The following FAM227B variants were observed in gnomAD, a reference collection of about 807,000 sequenced individuals.
The protein encoded by FAM227B is protein FAM227B.
In FAM227B, 88 loss-of-function variants were observed where a neutral mutation model predicts 73.8. That is an observed-to-expected ratio of 1.19 (90% CI 1.00 to 1.42). The LOEUF (loss-of-function observed/expected upper bound fraction) is 1.42. FAM227B is among the 40% of genes most tolerant of loss of function. The pLI is 0.00. For synonymous variants in FAM227B, 210 were observed against 190.5 expected (o/e 1.10, Z -0.84); for missense variants, 632 against 590.9 (o/e 1.07, Z -0.72).
chr15:49,397,184 G>A (rs952631045), intron 11 of FAM227B, among the ~76,000 whole-genome samples: 32 of 152,266 alleles, frequency 2.1e-4, no homozygotes, highest in African/African-American at 7.7e-4. Flanking sequence ...CAAGGCTTGA[G>A]AACAACGTGA....
intron 10 of FAM227B, among the ~76,000 whole-genome samples, chr15:49,538,453 G>C (rs1009006721): frequency 3.9e-5 from 6 of 152,150 alleles, no homozygotes; most frequent in African/African-American, 1.4e-4. Flanking sequence ...GGAGAAGCAG[G>C]ATGCTCTGGT....
rs747851240 is a variant in FAM227B, at chr15:49,328,612, GTGATGA to G, written c.1477_1482del (p.Ser493_Ser494del). 2.4e-5 allele frequency: 38 copies of G among 1,590,822 alleles called. No homozygotes were observed. The highest frequency in any genetic ancestry group is 2.1e-4 in the Admixed American group (12 of 56,920). ...AAGTTGTAGTTGTCTGTTGATGATG[GTGATGA>G]TGATGATGATGACGATAGTGATGCC... On this transcript the variant is annotated inframe_deletion, in exon 16 of 16. Transcript: ENST00000299338.
intron 12 of FAM227B, chr15:49,367,843 G>T: frequency 1.8e-5 from 3 of 169,626 alleles, no homozygotes; most frequent in Non-Finnish European, 2.2e-5. Context: ...ATAGGCAATA[G>T]ACATTATTCA....
At position 49,365,561 on chromosome 15, in the gene FAM227B, C is replaced by T. The variant is rs976312433; in HGVS notation, c.1271+1887G>A. 10 of 885,320 alleles carry T rather than the reference C, an allele frequency of 1.1e-5. No homozygotes were observed. In the African/African-American group the frequency reaches 1.5e-4, roughly 13 times the overall value. The allele number at this position is 885,320 out of a possible 1,614,324, so 54.8% of individuals were successfully genotyped here. A position where few individuals can be genotyped will look rare whatever the true frequency, so the allele number is the denominator to read the frequency against. On this transcript the variant is annotated intron_variant, in intron 13 of 15. Transcript: ENST00000299338. Reference sequence around the variant, plus strand: ...AATGTTTCAGTATTTTCAAAAGGTCCAGCTGCAAGTTTAACCATGATACTC... The same window carrying T: ...AATGTTTCAGTATTTTCAAAAGGTCTAGCTGCAAGTTTAACCATGATACTC...
intron 11 of FAM227B, among the ~76,000 whole-genome samples, chr15:49,397,115 T>A (rs2047734720): frequency 6.6e-6 from 1 of 152,062 alleles, no homozygotes; most frequent in Non-Finnish European, 1.5e-5. Context: ...TTTAGAAGAA[T>A]GTATAATTAG....
chr15:49,407,587 T>C (rs1209026897), intron 11 of FAM227B, among the ~76,000 whole-genome samples: 2 of 150,420 alleles, frequency 1.3e-5, no homozygotes, highest in African/African-American at 2.4e-5. Context: ...ACTAGTTTCT[T>C]TACTCTCCGC....
chr15:49,474,980 T>G (rs2055121215), intron 11 of FAM227B, among the ~76,000 whole-genome samples: 1 of 142,974 alleles, frequency 7.0e-6, no homozygotes, highest in Non-Finnish European at 1.5e-5. Flanking sequence ...GAATTTATAT[T>G]TAAAATTCAA....
intron 4 of FAM227B, among the ~76,000 whole-genome samples, 172 bp from the exon 5 acceptor site, chr15:49,588,255 G>T (rs2076293064): frequency 1.3e-5 from 2 of 151,442 alleles, no homozygotes; most frequent in African/African-American, 4.8e-5. Flanking sequence ...TGAATAACTG[G>T]AATTATTATA....
At chr15:49,525,150 G>T (rs1057152371) in intron 10 of FAM227B, among the ~76,000 whole-genome samples, 2 of 152,118 alleles carry the variant, frequency 1.3e-5, no homozygotes, top group Non-Finnish European at 2.9e-5. Context: ...TGGCTTGGCT[G>T]TGTCCCCACC....
chr15:49,442,784 A>G (rs2051792293), intron 11 of FAM227B, among the ~76,000 whole-genome samples: 4 of 151,772 alleles, frequency 2.6e-5, no homozygotes, highest in East Asian at 3.9e-4. Flanking sequence ...CAAATACCCA[A>G]CCACTGGCTT....
intron 13 of FAM227B, among the ~76,000 whole-genome samples, chr15:49,361,925 C>T (rs1437427656): frequency 6.6e-6 from 1 of 151,956 alleles, no homozygotes. Flanking sequence ...TTGACTTTTC[C>T]ATAGTAGCCA....
chr15:49,440,125 C>T (rs900201580), intron 11 of FAM227B, among the ~76,000 whole-genome samples: 3 of 151,724 alleles, frequency 2.0e-5, no homozygotes, highest in African/African-American at 7.3e-5. Flanking sequence ...GAATTAGTGG[C>T]AGTGGTGGTT....
rs373908201 is a variant in FAM227B at position 49,393,854 on chromosome 15, G to T, written c.1013-22455C>A. Among the ~76,000 whole-genome samples the T allele has an allele frequency of 1.1e-4, 17 of 152,222 alleles. No homozygotes were observed. The East Asian group carries it at 1.7e-3, about 16-fold the overall frequency. On this transcript the variant is annotated intron_variant, in intron 11 of 15. Transcript: ENST00000299338. Reference sequence around the variant, plus strand: ...GGCTTGAATTAGTACCTTGGAGAAGGACTGAGTTCTAGTAAAACATAATCT... The same window carrying T: ...GGCTTGAATTAGTACCTTGGAGAAGTACTGAGTTCTAGTAAAACATAATCT...
intron 11 of FAM227B, among the ~76,000 whole-genome samples, chr15:49,470,298 C>T (rs1003310179): frequency 6.6e-6 from 1 of 152,004 alleles, no homozygotes; most frequent in African/African-American, 2.4e-5. Flanking sequence ...AAAACACTAT[C>T]ATTATCACTA....
At chr15:49,366,376 A>G (rs2045191251) in intron 13 of FAM227B, 1 of 791,176 alleles carries the variant, frequency 1.3e-6, no homozygotes, top group Admixed American at 1.7e-5. Flanking sequence ...TTTTCTGTGC[A>G]TTTCTGGTGT....
rs368505098 is a variant in FAM227B at position 49,568,224 on chromosome 15, A to C, written c.747+21T>G. The C allele has an allele frequency of 5.9e-6, 9 of 1,531,922 alleles. No homozygotes were observed. In the East Asian group the frequency reaches 2.0e-4, roughly 35 times the overall value. 94.9% of individuals were successfully genotyped at this position (1,531,922 alleles called of 1,614,324 possible). On this transcript the variant is annotated intron_variant, in intron 9 of 15. Coordinates refer to ENST00000299338, the MANE Select transcript of FAM227B (RefSeq NM_152647.3). Reference sequence around the variant, plus strand: ...ATTCACTTTAAAAATAATTAGCATAACTGTTAATTTCAATGCTTACCTGAA... The same window carrying C: ...ATTCACTTTAAAAATAATTAGCATACCTGTTAATTTCAATGCTTACCTGAA...
At position 49,328,167 on chromosome 15, in the gene FAM227B, T is replaced by TA. The variant is rs1567071782; in HGVS notation, c.*400dup. ...GTTTTGCTTGAGGCCTGAAAAAATG[T>TA]AAAAAGTCTGAGAGAAACTACTTAG... On this transcript the variant is annotated 3_prime_UTR_variant, in exon 16 of 16. Coordinates refer to ENST00000299338, the MANE Select transcript of FAM227B (RefSeq NM_152647.3). 2.5e-6 allele frequency: 4 copies of TA among 1,610,544 alleles called. No individual in the cohort carries two copies. In the South Asian group the frequency reaches 4.4e-5, roughly 18 times the overall value.
At chr15:49,420,430 G>T (rs1006429953) in intron 11 of FAM227B, among the ~76,000 whole-genome samples, 1 of 151,880 alleles carries the variant, frequency 6.6e-6, no homozygotes, top group Admixed American at 6.6e-5. Flanking sequence ...TGCATATGAC[G>T]TGCTACCTTT....
chr15:49,594,544 G>A (rs1304062759), intron 3 of FAM227B, among the ~76,000 whole-genome samples: 4 of 151,856 alleles, frequency 2.6e-5, no homozygotes, highest in African/African-American at 7.2e-5. Context: ...TCTTCAGATC[G>A]TTATGGTTTC....
Sources: allele counts gnomAD v4.1 joint callset (sites outside exome capture counted in the v4.1 genomes callset), GRCh38; gene constraint gnomAD v4.1.1; transcripts MANE v1.5; gene names NCBI Gene and HGNC (gene_info 2026-07-23, HGNC 2026-07-21).